Variants in SGK3 observed in about 807,000 individuals in gnomAD.
SGK3 encodes the protein serum/glucocorticoid regulated kinase family member 3.
A neutral mutation model predicts 68.5 loss-of-function variants in SGK3; 47 were observed. The ratio of observed to expected loss-of-function variants is 0.69; its 90% CI spans 0.54 to 0.87. The LOEUF (loss-of-function observed/expected upper bound fraction) is 0.87. Ranked by LOEUF, SGK3 falls within the 40% of genes least tolerant of loss-of-function variation. SGK3 has a pLI of 0.00. For synonymous variants in SGK3, 181 were observed against 189.1 expected (o/e 0.96, Z 0.35); for missense variants, 479 against 575.5 (o/e 0.83, Z 1.72).
chr8:66,741,515 A>G (rs149573807), intron 1 of SGK3, among the ~76,000 whole-genome samples: 1,927 of 152,052 alleles, frequency 0.013, 38 homozygotes, highest in African/African-American at 0.044. Flanking sequence ...GCACCGCTGC[A>G]CTCCAGCCTG....
At position 66,729,569 on chromosome 8, in the gene SGK3, A is replaced by G. The variant is rs117378963; in HGVS notation, c.-122+16736A>G. Among the ~76,000 whole-genome samples, 856 of 152,286 alleles carry G rather than the reference A, an allele frequency of 5.6e-3. 6 individuals carry two copies. The highest frequency in any genetic ancestry group is 9.8e-3 in the Non-Finnish European group (664 of 68,018). ...TGTTTTCACCTTTTGGCTATTACAT[A>G]TAATACTGCTATGAATATTTTTGAG... On this transcript the variant is annotated intron_variant, in intron 1 of 16. Transcript: ENST00000521198.
chr8:66,839,829 G>A (rs1289068794), intron 10 of SGK3, 174 bp from the exon 11 acceptor site: 9 of 563,418 alleles, frequency 1.6e-5, no homozygotes, highest in South Asian at 2.7e-5. Context: ...ATTGTTAGGT[G>A]GGGACATGGA....
chr8:66,829,190 A>C (rs1026918601), intron 7 of SGK3, among the ~76,000 whole-genome samples: 9 of 152,180 alleles, frequency 5.9e-5, no homozygotes, highest in Non-Finnish European at 1.5e-5. Flanking sequence ...AACTTTGTTT[A>C]CCGAGTTTCT....
chr8:66,817,473 C>T (rs769820022), intron 5 of SGK3, among the ~76,000 whole-genome samples: 6 of 151,630 alleles, frequency 4.0e-5, no homozygotes, highest in Non-Finnish European at 7.4e-5. Flanking sequence ...CTGCCTCAGC[C>T]TCCCGGGTAG....
At chr8:66,731,139 TG>T (rs1488810757) in intron 1 of SGK3, among the ~76,000 whole-genome samples, 19 of 152,242 alleles carry the variant, frequency 1.2e-4, no homozygotes, top group Non-Finnish European at 1.3e-4. Context: ...GAACACACTT[TG>T]TATGATTTTT....
chr8:66,814,572 G>A (rs1297158612), intron 5 of SGK3, among the ~76,000 whole-genome samples: 1 of 152,158 alleles, frequency 6.6e-6, no homozygotes, highest in East Asian at 1.9e-4. Flanking sequence ...GAAAGAAGAC[G>A]AGATTGAAGG....
At chr8:66,743,184 G>T (rs1478832505) in intron 1 of SGK3, among the ~76,000 whole-genome samples, 1 of 152,202 alleles carries the variant, frequency 6.6e-6, no homozygotes. Flanking sequence ...CAATTTAGTG[G>T]GTTGTTAGCA....
intron 12 of SGK3, chr8:66,840,561 C>T: frequency 3.6e-6 from 1 of 279,306 alleles, no homozygotes; most frequent in Non-Finnish European, 6.7e-6. Flanking sequence ...ACAAGGTTGA[C>T]AGTCTGGTTA....
intron 1 of SGK3, among the ~76,000 whole-genome samples, chr8:66,780,122 G>A (rs1585705370): frequency 6.6e-6 from 1 of 152,108 alleles, no homozygotes; most frequent in South Asian, 2.1e-4. Flanking sequence ...TATATTTTTA[G>A]GGAGGATTTT....
Position 66,753,823 on chromosome 8 carries a change from A to AAAAAG in SGK3, c.-121-39775_-121-39771dup, listed in dbSNP as rs529694848. ...AGCAAGAGCGAAACTCCCTCTCAAAAAAAAGAAAAGAAAAGAAAAGAATAT... is the reference window on the plus strand; with the variant it reads ...AGCAAGAGCGAAACTCCCTCTCAAAAAAAAGAAAAGAAAAGAAAAGAAAAGAATAT... On this transcript the variant is annotated intron_variant, in intron 1 of 16. Coordinates refer to ENST00000521198, the MANE Select transcript of SGK3 (RefSeq NM_001033578.3). Among the ~76,000 whole-genome samples, 29 of 152,288 alleles carry AAAAAG rather than the reference A, an allele frequency of 1.9e-4. 1 individual carries two copies. The South Asian group carries it at 2.1e-3, about 11-fold the overall frequency.
chr8:66,753,654 G>A (rs1246721191), intron 1 of SGK3, among the ~76,000 whole-genome samples: 2 of 152,010 alleles, frequency 1.3e-5, no homozygotes, highest in South Asian at 2.1e-4. Context: ...GAGAAACCCC[G>A]TCTCTACTAA....
rs146507110 is a variant in SGK3 at position 66,793,800 on chromosome 8, G to A, written c.64G>A (p.Asp22Asn). Residue 22 changes from aspartate to asparagine, a missense_variant, in exon 2 of 17, where the codon GAT (aspartate) becomes AAT (asparagine). This residue lies in a region of SGK3 where 298 missense variants were observed against 329.4 expected (regional missense o/e 0.90). Coordinates refer to ENST00000521198, the MANE Select transcript of SGK3 (RefSeq NM_001033578.3). ...SCPSVSIPSSDEHREKKKRFT... is the reference protein window; with the variant it reads ...SCPSVSIPSSNEHREKKKRFT... ...CCCAAGTGTAAGCATTCCCAGCTCCGATGAACACAGAGAGAAAAAGAAGAG... is the reference window on the plus strand; with the variant it reads ...CCCAAGTGTAAGCATTCCCAGCTCCAATGAACACAGAGAGAAAAAGAAGAG... The A allele has an allele frequency of 1.1e-4, 173 of 1,613,206 alleles. 2 individuals are homozygous for A. The South Asian group carries it at 1.1e-3, about 10-fold the overall frequency.
rs1807794728 is a variant in SGK3, at chr8:66,798,510, G to A, written c.97-32G>A. 1.9e-6 allele frequency: 3 copies of A among 1,568,162 alleles called. No individual in the cohort carries two copies. In the South Asian group the frequency reaches 3.6e-5, roughly 19 times the overall value. Reference sequence around the variant, plus strand: ...CTAATGGGTTTTTTGCAATTAAATTGTGTTATATTATGTAATTTTTTATTT... The same window carrying A: ...CTAATGGGTTTTTTGCAATTAAATTATGTTATATTATGTAATTTTTTATTT... On this transcript the variant is annotated intron_variant, in intron 2 of 16. Transcript: ENST00000521198.
intron 16 of SGK3, among the ~76,000 whole-genome samples, chr8:66,854,879 T>A (rs1000592587): frequency 6.6e-6 from 1 of 152,102 alleles, no homozygotes; most frequent in African/African-American, 2.4e-5. Context: ...CTGAACACAG[T>A]GGCTCATACC....
intron 1 of SGK3, chr8:66,767,439 C>G (rs781122489): frequency 7.2e-7 from 1 of 1,386,344 alleles, no homozygotes. Flanking sequence ...ATTCAACATC[C>G]AGGGTCAACA....
chr8:66,821,352 T>C (rs980925184), intron 5 of SGK3, among the ~76,000 whole-genome samples: 6 of 152,118 alleles, frequency 3.9e-5, no homozygotes, highest in Non-Finnish European at 7.3e-5. Flanking sequence ...TACTGTGTTA[T>C]AGTTTCTTGC....
At chr8:66,754,833 C>A (rs1426096724) in intron 1 of SGK3, among the ~76,000 whole-genome samples, 1 of 152,240 alleles carries the variant, frequency 6.6e-6, no homozygotes, top group Non-Finnish European at 1.5e-5. Context: ...CAATCATTTT[C>A]TCCTGCTTAT....
chr8:66,732,244 T>C (rs1805178356), intron 1 of SGK3, among the ~76,000 whole-genome samples: 2 of 152,200 alleles, frequency 1.3e-5, no homozygotes, highest in South Asian at 2.1e-4. Context: ...TTTCAACATA[T>C]AAACACCGGT....
At chr8:66,835,361 G>A (rs549354102) in intron 8 of SGK3, among the ~76,000 whole-genome samples, 1 of 152,132 alleles carries the variant, frequency 6.6e-6, no homozygotes, top group Non-Finnish European at 1.5e-5. Context: ...AAAAATCTCA[G>A]TATGAAACAG....
Sources: allele counts gnomAD v4.1 joint callset (sites outside exome capture counted in the v4.1 genomes callset), GRCh38; gene constraint gnomAD v4.1.1; regional missense constraint gnomAD v4.1.1; transcripts MANE v1.5; gene names NCBI Gene and HGNC (gene_info 2026-07-23, HGNC 2026-07-21).